TRPM3: variants seen among roughly 807,000 people sequenced by gnomAD.
TRPM3 encodes long transient receptor potential channel 3.
In TRPM3, 77 loss-of-function variants were observed where a neutral mutation model predicts 181.2. That is an observed-to-expected ratio of 0.42 (90% CI 0.35 to 0.51). The LOEUF (loss-of-function observed/expected upper bound fraction) is 0.51, where lower values mean the gene tolerates loss of function less well. Among genes scored for constraint, TRPM3 ranks in the 20% least tolerant of loss-of-function variants. The pLI is 0.01. For missense variants in TRPM3, 1,759 were observed against 2,196.7 expected (o/e 0.80, Z 3.98); for synonymous variants, 745 against 796.4 (o/e 0.94, Z 1.09).
intron 8 of TRPM3, among the ~76,000 whole-genome samples, chr9:70,753,202 C>T (rs2076490017): frequency 6.6e-6 from 1 of 151,980 alleles, no homozygotes; most frequent in African/African-American, 2.4e-5. Flanking sequence ...TAAGTAATGC[C>T]TGACTGTACA....
At chr9:71,403,171 AT>A (rs1554892058) in intron 1 of TRPM3, among the ~76,000 whole-genome samples, 1 of 152,164 alleles carries the variant, frequency 6.6e-6, no homozygotes, top group Non-Finnish European at 1.5e-5. Flanking sequence ...CCAGCTGGAC[AT>A]TTGTTTTTAT....
chr9:70,953,542 T>A (rs756068866), intron 1 of TRPM3, among the ~76,000 whole-genome samples: 3 of 152,154 alleles, frequency 2.0e-5, no homozygotes, highest in Non-Finnish European at 4.4e-5. Flanking sequence ...TTGAGAAACT[T>A]GATTATATGT....
intron 8 of TRPM3, among the ~76,000 whole-genome samples, chr9:70,742,178 T>C (rs1022290782): frequency 1.3e-5 from 2 of 152,126 alleles, no homozygotes; most frequent in African/African-American, 4.8e-5. Context: ...TATAAACATA[T>C]ATGTAAACAA....
intron 1 of TRPM3, among the ~76,000 whole-genome samples, chr9:71,028,699 A>G (rs1400131918): frequency 1.3e-5 from 2 of 152,180 alleles, no homozygotes; most frequent in Non-Finnish European, 2.9e-5. Flanking sequence ...AGCAAAGATC[A>G]AAAATGATTA....
intron 1 of TRPM3, among the ~76,000 whole-genome samples, chr9:71,163,302 C>T (rs976057740): frequency 3.9e-5 from 6 of 151,982 alleles, no homozygotes; most frequent in Admixed American, 2.0e-4. Flanking sequence ...AGGGCAGGAT[C>T]AATAGTGATA....
At chr9:70,832,324 A>T (rs1383439287) in intron 5 of TRPM3, among the ~76,000 whole-genome samples, 2 of 152,152 alleles carry the variant, frequency 1.3e-5, no homozygotes, top group Non-Finnish European at 2.9e-5. Flanking sequence ...TATATCTAAA[A>T]GAGAAATTTG....
At chr9:71,144,829 T>A (rs996711758) in intron 1 of TRPM3, among the ~76,000 whole-genome samples, 1 of 152,100 alleles carries the variant, frequency 6.6e-6, no homozygotes, top group African/African-American at 2.4e-5. Flanking sequence ...ATAATTTTAA[T>A]GGAAAAAAAT....
intron 1 of TRPM3, among the ~76,000 whole-genome samples, chr9:71,246,502 C>A (rs2082040885): frequency 6.6e-6 from 1 of 152,250 alleles, no homozygotes; most frequent in Middle Eastern, 3.4e-3. Context: ...CCCTTCAGTT[C>A]TGGCCATAAT....
At chr9:71,159,105 T>TAGAGAGAGAGAGAG (rs140356660) in intron 1 of TRPM3, among the ~76,000 whole-genome samples, 22 of 144,176 alleles carry the variant, frequency 1.5e-4, no homozygotes, top group African/African-American at 4.4e-4. Flanking sequence ...TATATATATT[T>TAGAGAGAGAGAGAG]AGAGAGAGAG....
chr9:70,895,594 T>C (rs776293569), intron 1 of TRPM3, among the ~76,000 whole-genome samples: 13 of 152,146 alleles, frequency 8.5e-5, no homozygotes, highest in Non-Finnish European at 1.3e-4. Context: ...ATTCCCAGTA[T>C]TATGAGCAAA....
Position 71,098,979 on chromosome 9 carries a change from G to A in TRPM3, c.177+22199C>T, listed in dbSNP as rs376653789. ...CATTGCCAGACTGGGCTACTCACAC[G>A]AGGAGGAAGTGCTTATTCCCTAATA... On this transcript the variant is annotated intron_variant, in intron 1 of 25. Coordinates refer to ENST00000677713, the MANE Select transcript of TRPM3 (RefSeq NM_001366145.2). Among the ~76,000 whole-genome samples the A allele has an allele frequency of 7.2e-5, 11 of 152,258 alleles. 1 individual carries two copies. The South Asian group carries it at 1.0e-3, about 14-fold the overall frequency.
At chr9:71,287,897 T>G (rs149259629) in intron 1 of TRPM3, among the ~76,000 whole-genome samples, 95 of 152,206 alleles carry the variant, frequency 6.2e-4, no homozygotes, top group Non-Finnish European at 1.1e-3. Flanking sequence ...GTAGCAATTC[T>G]TATTAAACCC....
intron 3 of TRPM3, 59 bp downstream of exon 3, chr9:70,862,849 T>C: frequency 6.4e-7 from 1 of 1,565,336 alleles, no homozygotes; most frequent in South Asian, 1.1e-5. Context: ...TAACCACCCC[T>C]TTGCAGGACT....
chr9:70,794,475 C>T (rs1488614573), intron 6 of TRPM3, among the ~76,000 whole-genome samples: 1 of 152,106 alleles, frequency 6.6e-6, no homozygotes, highest in Non-Finnish European at 1.5e-5. Flanking sequence ...CCAAGACTTG[C>T]TTGATTGCAG....
intron 17 of TRPM3, among the ~76,000 whole-genome samples, chr9:70,617,603 A>C (rs964623367): frequency 1.3e-5 from 2 of 152,180 alleles, no homozygotes; most frequent in Admixed American, 1.3e-4. Context: ...AGGGAAGGGT[A>C]ATGAGGCAAG....
chr9:70,962,253 TC>T (rs2097143542), intron 1 of TRPM3, among the ~76,000 whole-genome samples: 1 of 152,054 alleles, frequency 6.6e-6, no homozygotes, highest in Non-Finnish European at 1.5e-5. Context: ...TGTCATAGAC[TC>T]CCATTAGTTT....
chr9:70,620,431 G>T, intron 15 of TRPM3, 66 bp from the exon 16 acceptor site: 2 of 1,504,486 alleles, frequency 1.3e-6, no homozygotes, highest in Non-Finnish European at 1.8e-6. Context: ...GCAAGTAGCA[G>T]TTGTATATCT....
intron 1 of TRPM3, among the ~76,000 whole-genome samples, chr9:71,134,099 G>A (rs1348139250): frequency 6.6e-6 from 1 of 152,004 alleles, no homozygotes; most frequent in Non-Finnish European, 1.5e-5. Flanking sequence ...TTTCCTTGCT[G>A]ATATTTGACC....
At chr9:70,882,254 A>T (rs2096007172) in intron 1 of TRPM3, among the ~76,000 whole-genome samples, 1 of 152,190 alleles carries the variant, frequency 6.6e-6, no homozygotes, top group South Asian at 2.1e-4. Flanking sequence ...TTGCAAGAGA[A>T]AGAGTCTTTA....
Sources: allele counts gnomAD v4.1 joint callset (sites outside exome capture counted in the v4.1 genomes callset), GRCh38; gene constraint gnomAD v4.1.1; transcripts MANE v1.5; gene names NCBI Gene and HGNC (gene_info 2026-07-23, HGNC 2026-07-21).